EFCAB3: variants seen among roughly 807,000 people sequenced by gnomAD.
The protein encoded by EFCAB3 is EF-hand calcium binding domain 3, also known as EF-hand calcium-binding domain-containing protein 3.
Under a neutral mutation model 42.2 loss-of-function variants are expected in EFCAB3, and 36 were observed. The observed-to-expected ratio is 0.85, with a 90% CI of 0.65 to 1.13. EFCAB3 has a LOEUF of 1.13. Among genes scored for constraint, EFCAB3 ranks in the 50% most tolerant of loss-of-function variants. The pLI, the probability that EFCAB3 is intolerant of heterozygous loss-of-function variation, is 0.00. For synonymous variants in EFCAB3, 170 were observed against 172.8 expected (o/e 0.98, Z 0.13); for missense variants, 418 against 505.1 (o/e 0.83, Z 1.65).
At chr17:62,372,842 T>C (rs1467810010) in intron 1 of EFCAB3, among the ~76,000 whole-genome samples, 1 of 152,176 alleles carries the variant, frequency 6.6e-6, no homozygotes, top group Non-Finnish European at 1.5e-5. Flanking sequence ...ACTTCTCAGC[T>C]TTCTCCTCCA....
At chr17:62,378,781 G>A (rs1296895186), upstream of EFCAB3, among the ~76,000 whole-genome samples, 2 of 151,308 alleles carry the variant, frequency 1.3e-5, no homozygotes, top group Non-Finnish European at 2.9e-5. Context: ...TAGGGGGGTG[G>A]GGGGCTAGGG....
Position 62,387,419 on chromosome 17 carries a change from A to G in EFCAB3, c.151+3A>G, listed in dbSNP as rs759180623. 2.1e-5 allele frequency: 34 copies of G among 1,609,588 alleles called. No individual in the cohort carries two copies. The highest frequency in any genetic ancestry group is 2.9e-5 in the Non-Finnish European group (34 of 1,177,340). Reference sequence around the variant, plus strand: ...GCTAAGTGCTTCACAAATGGCAGGTAATGAGAATCATCCTCAAAATTGAAG... The same window carrying G: ...GCTAAGTGCTTCACAAATGGCAGGTGATGAGAATCATCCTCAAAATTGAAG... On this transcript the variant is annotated splice_donor_region_variant and intron_variant, in intron 3 of 9. Coordinates refer to ENST00000305286, the MANE Select transcript of EFCAB3 (RefSeq NM_173503.4).
At chr17:62,401,461 T>C (rs1473476129) in intron 6 of EFCAB3, among the ~76,000 whole-genome samples, 1 of 152,242 alleles carries the variant, frequency 6.6e-6, no homozygotes, top group Non-Finnish European at 1.5e-5. Flanking sequence ...GAATTAATTT[T>C]TGTATAAGGT....
intron 2 of EFCAB3, among the ~76,000 whole-genome samples, chr17:62,374,422 T>C (rs2070135505): frequency 6.6e-6 from 1 of 151,998 alleles, no homozygotes; most frequent in Non-Finnish European, 1.5e-5. Flanking sequence ...GATTGTGCCA[T>C]TACACTCCAG....
intron 2 of EFCAB3, among the ~76,000 whole-genome samples, chr17:62,374,633 C>A (rs2070136915): frequency 6.6e-6 from 1 of 152,032 alleles, no homozygotes. Context: ...GAGATTTGAA[C>A]ATTATGCTGT....
chr17:62,415,931 A>G (rs2070543414), intron 9 of EFCAB3, 72 bp from the exon 10 acceptor site: 2 of 1,236,902 alleles, frequency 1.6e-6, no homozygotes, highest in East Asian at 4.7e-5. Flanking sequence ...CTCTTGGGGT[A>G]TCTATCATTG....
intron 1 of EFCAB3, among the ~76,000 whole-genome samples, chr17:62,371,054 T>G (rs1368200102): frequency 6.6e-6 from 1 of 151,562 alleles, no homozygotes; most frequent in African/African-American, 2.4e-5. Context: ...ATTGCACCGC[T>G]GCATTCCAGC....
At chr17:62,402,658 T>TAA (rs1437745339) in intron 6 of EFCAB3, among the ~76,000 whole-genome samples, 1 of 152,198 alleles carries the variant, frequency 6.6e-6, no homozygotes, top group Non-Finnish European at 1.5e-5. Context: ...TCATGGTGCA[T>TAA]AAGCTTTTTG....
At chr17:62,379,037 A>G (rs984287918), upstream of EFCAB3, among the ~76,000 whole-genome samples, 18 of 152,342 alleles carry the variant, frequency 1.2e-4, no homozygotes, top group African/African-American at 3.8e-4. Context: ...TTATCAATAA[A>G]GTAAAAAGAC....
intron 6 of EFCAB3, among the ~76,000 whole-genome samples, chr17:62,401,255 G>GAACA (rs1259271299): frequency 6.6e-5 from 10 of 152,282 alleles, no homozygotes; most frequent in Non-Finnish European, 1.5e-4. Context: ...TCACTCTGGT[G>GAACA]GTAGTTTCTT....
At chr17:62,414,583 T>TTGTGTGTG (rs4058759) in intron 9 of EFCAB3, among the ~76,000 whole-genome samples, 12 of 148,688 alleles carry the variant, frequency 8.1e-5, no homozygotes, top group African/African-American at 3.0e-4. Flanking sequence ...TTTGTTTGTT[T>TTGTGTGTG]TGTGTGTGTG....
chr17:62,393,499 T>G, intron 4 of EFCAB3, 74 bp from the exon 5 acceptor site: 1 of 1,197,596 alleles, frequency 8.4e-7, no homozygotes, highest in South Asian at 1.5e-5. Context: ...GTGTTTTAAT[T>G]TTTATATTTA....
rs1000776647 is a variant in EFCAB3, at chr17:62,395,156, C to T, written c.456C>T (p.Ala152=). The stretch of plus-strand genomic sequence containing the variant: ...TATCAAGGCTTCTAGAGACTTCAGC[C>T]CTACCCAGAAAGTCTATAATAGAAA... ...EILSRLLETS[A]LPRKSIIEIV... is the part of the protein sequence containing the mutation. The change falls in exon 6 of 10, where the codon GCC becomes GCT. Residue 152 remains alanine (A), a synonymous_variant. Transcript: ENST00000305286. 1 of 1,613,868 alleles carries T rather than the reference C, an allele frequency of 6.2e-7. No individual in the cohort carries two copies. The highest frequency in any genetic ancestry group is 1.1e-5 in the South Asian group (1 of 91,016).
chr17:62,381,103 T>G (rs2070193267), intron 1 of EFCAB3, among the ~76,000 whole-genome samples: 1 of 151,692 alleles, frequency 6.6e-6, no homozygotes, highest in Non-Finnish European at 1.5e-5. Context: ...ATCCATCAAC[T>G]CGTCATTTAA....
intron 7 of EFCAB3, 79 bp downstream of exon 7, chr17:62,406,752 C>T: frequency 6.8e-7 from 1 of 1,475,860 alleles, no homozygotes; most frequent in Non-Finnish European, 9.2e-7. Context: ...TACTAGAGCC[C>T]AAATGGCATA....
intron 7 of EFCAB3, 39 bp from the exon 8 acceptor site, chr17:62,406,989 A>T (rs1662671316): frequency 6.5e-7 from 1 of 1,546,528 alleles, no homozygotes; most frequent in Non-Finnish European, 8.7e-7. Flanking sequence ...ACTTCTTCTT[A>T]CATTGTTTGT....
At chr17:62,379,939 C>G (rs2070182153), upstream of EFCAB3, among the ~76,000 whole-genome samples, 1 of 152,184 alleles carries the variant, frequency 6.6e-6, no homozygotes, top group South Asian at 2.1e-4. Context: ...TTCTTAATCA[C>G]CATTCAGTGA....
chr17:62,392,426 G>T (rs2070311443), intron 4 of EFCAB3, among the ~76,000 whole-genome samples: 1 of 151,986 alleles, frequency 6.6e-6, no homozygotes. Context: ...AGCTAAGAGT[G>T]ATTGTCTGAT....
At position 62,383,019 on chromosome 17, in the gene EFCAB3, C is replaced by T. The variant is rs2070216678; in HGVS notation, c.40C>T (p.Pro14Ser). The T allele has an allele frequency of 1.9e-6, 3 of 1,613,458 alleles. No homozygotes were observed. Among genetic ancestry groups the T allele is most frequent in the Non-Finnish European group, 2.5e-6 (3 of 1,179,858 alleles). The stretch of plus-strand genomic sequence containing the variant: ...AATTAAACCAAAACTTAAGCTGAAT[C>T]CTCTAACAAAAGTACCCATCTCCCA... ...SEIKPKLKLN[P>S]LTKVPISHNK... Residue 14 changes from proline (P) to serine (S), a missense_variant, in exon 2 of 10, where the codon CCT (proline) becomes TCT (serine). Transcript: ENST00000305286.
Sources: allele counts gnomAD v4.1 joint callset (sites outside exome capture counted in the v4.1 genomes callset), GRCh38; gene constraint gnomAD v4.1.1; transcripts MANE v1.5; gene names NCBI Gene and HGNC (gene_info 2026-07-23, HGNC 2026-07-21).